The following ZNF385D variants were observed in gnomAD, a reference collection of about 807,000 sequenced individuals.
The protein encoded by ZNF385D is zinc finger protein 659.
ZNF385D carries 15 observed loss-of-function variants against 35.8 expected under a neutral mutation model. The observed-to-expected ratio is 0.42, with a 90% CI of 0.28 to 0.64. The LOEUF (loss-of-function observed/expected upper bound fraction) is 0.64. Among genes scored for constraint, ZNF385D ranks in the 30% least tolerant of loss-of-function variants. ZNF385D has a pLI of 0.23. For synonymous variants in ZNF385D, 212 were observed against 186.8 expected (o/e 1.13, Z -1.10); for missense variants, 474 against 494.6 (o/e 0.96, Z 0.39).
intron 3 of ZNF385D, among the ~76,000 whole-genome samples, chr3:21,981,945 AT>A (rs1694478458): frequency 6.6e-6 from 1 of 152,098 alleles, no homozygotes; most frequent in Admixed American, 6.6e-5. Context: ...TACTAGTACC[AT>A]GCTGTTTTTG....
chr3:22,007,007 T>C (rs1174874709), intron 3 of ZNF385D, among the ~76,000 whole-genome samples: 1 of 152,088 alleles, frequency 6.6e-6, no homozygotes, highest in East Asian at 1.9e-4. Flanking sequence ...ACTGGTGATG[T>C]TGTCAATTTG....
chr3:21,537,436 C>T (rs961092342), intron 3 of ZNF385D, among the ~76,000 whole-genome samples: 3 of 152,064 alleles, frequency 2.0e-5, no homozygotes, highest in East Asian at 1.9e-4. Context: ...TGAGCCACCA[C>T]GCCCGGCCCA....
chr3:21,559,907 G>A (rs1257720055), intron 3 of ZNF385D, among the ~76,000 whole-genome samples: 12 of 151,772 alleles, frequency 7.9e-5, no homozygotes, highest in Non-Finnish European at 1.0e-4. Flanking sequence ...TATTTAAGTT[G>A]ATCTTCAAGC....
At chr3:22,364,713 T>A (rs1424817131) in intron 2 of ZNF385D, among the ~76,000 whole-genome samples, 2 of 152,152 alleles carry the variant, frequency 1.3e-5, no homozygotes, top group Non-Finnish European at 2.9e-5. Flanking sequence ...AGAAGTATTA[T>A]GTCATCTAGC....
In ZNF385D at chr3:21,808,972, T is replaced by C. The variant is rs147048743; in HGVS notation, c.326-143944A>G. Among the ~76,000 whole-genome samples, 11 of 152,312 alleles carry C rather than the reference T, an allele frequency of 7.2e-5. No homozygotes were observed. In the East Asian group the frequency reaches 2.1e-3, roughly 29 times the overall value. ...GAAGGGCAACCAGGAAGGGCATGCA[T>C]TCTAAACATCAATGGGTTGCCCGCA... On this transcript the variant is annotated intron_variant, in intron 3 of 5. Coordinates refer to the ZNF385D transcript ENST00000494108.
chr3:22,177,912 A>C (rs897769535), intron 2 of ZNF385D, among the ~76,000 whole-genome samples: 1 of 152,068 alleles, frequency 6.6e-6, no homozygotes, highest in African/African-American at 2.4e-5. Context: ...AAGAACATGA[A>C]CTCATCCTTT....
At chr3:22,212,856 A>G (rs545102073) in intron 2 of ZNF385D, among the ~76,000 whole-genome samples, 45 of 152,160 alleles carry the variant, frequency 3.0e-4, no homozygotes, top group African/African-American at 1.0e-3. Flanking sequence ...GAAATTATTA[A>G]GTAATACTTA....
At chr3:22,122,172 A>C (rs993193298) in intron 3 of ZNF385D, among the ~76,000 whole-genome samples, 3 of 152,076 alleles carry the variant, frequency 2.0e-5, no homozygotes, top group African/African-American at 7.2e-5. Flanking sequence ...CTTGGGTAAA[A>C]ATCTGACTGC....
chr3:21,588,277 CCTCAAG>C (rs1401821703), intron 2 of ZNF385D, among the ~76,000 whole-genome samples: 1 of 152,112 alleles, frequency 6.6e-6, no homozygotes, highest in African/African-American at 2.4e-5. Context: ...AAGTTGTTTT[CCTCAAG>C]CTTTCTCAGT....
Position 22,304,561 on chromosome 3 carries a change from A to G in ZNF385D, c.106+67889T>C, listed in dbSNP as rs142590556. 1.4e-3 allele frequency among the ~76,000 whole-genome samples: 218 copies of G among 152,264 alleles called. 1 individual carries two copies. Among genetic ancestry groups the G allele is most frequent in the African/African-American group, 4.9e-3 (205 of 41,582 alleles). The stretch of plus-strand genomic sequence containing the variant: ...AATAATTATTTGAAATATTTTTAAT[A>G]TCTTCTATGGTTAGTGATATAATCA... On this transcript the variant is annotated intron_variant, in intron 2 of 5. Coordinates refer to the ZNF385D transcript ENST00000494108.
chr3:22,015,451 C>T (rs879293170), intron 3 of ZNF385D, among the ~76,000 whole-genome samples: 7 of 152,078 alleles, frequency 4.6e-5, no homozygotes, highest in Non-Finnish European at 8.8e-5. Context: ...CCTTCCTTGC[C>T]ACCATCCTTG....
Position 22,124,871 on chromosome 3 carries a change from T to A in ZNF385D, c.325+43946A>T, listed in dbSNP as rs547931478. ...ATTGTTTCCCATACTGTGCGTTGTT[T>A]CTTCACTTTGTTGACTGTTTCCTTG... On this transcript the variant is annotated intron_variant, in intron 3 of 5. Transcript: ENST00000494108. Among the ~76,000 whole-genome samples the A allele has an allele frequency of 5.3e-5, 8 of 152,280 alleles. No homozygotes were observed. The East Asian group carries it at 1.4e-3, about 26-fold the overall frequency.
At chr3:22,252,650 T>C (rs1253379460) in intron 2 of ZNF385D, among the ~76,000 whole-genome samples, 2 of 152,042 alleles carry the variant, frequency 1.3e-5, no homozygotes, top group African/African-American at 4.8e-5. Flanking sequence ...GAAGGCTGCA[T>C]CGATAGAGAA....
intron 2 of ZNF385D, among the ~76,000 whole-genome samples, chr3:21,658,104 C>G (rs145165003): frequency 6.6e-6 from 1 of 151,944 alleles, no homozygotes; most frequent in African/African-American, 2.4e-5. Flanking sequence ...AGCTAAAGTT[C>G]TAGAATAATC....
intron 2 of ZNF385D, among the ~76,000 whole-genome samples, chr3:21,599,777 A>G (rs1261391954): frequency 6.6e-6 from 1 of 152,180 alleles, no homozygotes; most frequent in Non-Finnish European, 1.5e-5. Flanking sequence ...CTCCCTACCT[A>G]TGGAGACTGG....
At chr3:21,575,693 TC>T (rs2063477377) in intron 2 of ZNF385D, among the ~76,000 whole-genome samples, 1 of 152,096 alleles carries the variant, frequency 6.6e-6, no homozygotes, top group Admixed American at 6.6e-5. Flanking sequence ...GGCTAAGTCT[TC>T]CCAGGCATGG....
chr3:22,092,072 G>C (rs1278643359), intron 3 of ZNF385D, among the ~76,000 whole-genome samples: 1 of 152,166 alleles, frequency 6.6e-6, no homozygotes, highest in Non-Finnish European at 1.5e-5. Flanking sequence ...TTGAATAAAA[G>C]TTCAAGATTG....
chr3:22,020,297 C>G (rs1464172708), intron 3 of ZNF385D, among the ~76,000 whole-genome samples: 1 of 151,876 alleles, frequency 6.6e-6, no homozygotes, highest in Non-Finnish European at 1.5e-5. Flanking sequence ...AGTGGAAATG[C>G]TGCATGTATA....
At chr3:22,287,959 A>G (rs1055138848) in intron 2 of ZNF385D, among the ~76,000 whole-genome samples, 2 of 152,030 alleles carry the variant, frequency 1.3e-5, no homozygotes, top group African/African-American at 4.8e-5. Context: ...AAACTCCCTT[A>G]GCTTTTGTTT....
Sources: gnomAD v4.1 joint callset for allele counts (sites outside exome capture counted in the v4.1 genomes callset) on GRCh38, gnomAD v4.1.1 for gene constraint, MANE v1.5 for transcripts, NCBI Gene and HGNC (gene_info 2026-07-23, HGNC 2026-07-21) for gene names.